AAMDC: variants seen among roughly 807,000 people sequenced by gnomAD.
AAMDC encodes adipogenesis associated Mth938 domain containing, also known as mth938 domain-containing protein.
A neutral mutation model predicts 15.5 loss-of-function variants in AAMDC; 16 were observed. The observed-to-expected ratio is 1.03, with a 90% CI of 0.70 to 1.57. The LOEUF (loss-of-function observed/expected upper bound fraction) is 1.57. AAMDC is among the 40% of genes most tolerant of loss of function. AAMDC has a pLI of 0.00. For missense variants in AAMDC, 141 were observed against 144.9 expected (o/e 0.97, Z 0.14); for synonymous variants, 51 against 51.6 (o/e 0.99, Z 0.05).
intron 5 of AAMDC, among the ~76,000 whole-genome samples, chr11:77,898,410 T>C (rs1007766464): frequency 2.0e-5 from 3 of 152,018 alleles, no homozygotes; most frequent in Admixed American, 6.6e-5. Flanking sequence ...GATCCACCTG[T>C]CTTGGACTCC....
intron 1 of AAMDC, among the ~76,000 whole-genome samples, chr11:77,826,981 C>T (rs1007194153): frequency 9.9e-5 from 15 of 151,896 alleles, no homozygotes; most frequent in Non-Finnish European, 1.5e-4. Flanking sequence ...GGCACACACC[C>T]GTCGTCCCTG....
At chr11:77,857,816 C>T (rs1447033266) in intron 2 of AAMDC, among the ~76,000 whole-genome samples, 1 of 151,670 alleles carries the variant, frequency 6.6e-6, no homozygotes, top group Non-Finnish European at 1.5e-5. Context: ...CCTGCCTCAG[C>T]CTCCCAAGTA....
At chr11:77,839,971 G>A (rs760167695) in intron 1 of AAMDC, among the ~76,000 whole-genome samples, 4 of 152,044 alleles carry the variant, frequency 2.6e-5, no homozygotes, top group East Asian at 1.9e-4. Context: ...ATCCTGGAAC[G>A]TAAAAAAGAT....
intron 2 of AAMDC, among the ~76,000 whole-genome samples, chr11:77,847,092 T>C (rs1950179103): frequency 6.6e-6 from 1 of 152,206 alleles, no homozygotes; most frequent in Non-Finnish European, 1.5e-5. Flanking sequence ...GAGCCATGAC[T>C]GAGCAGAAAT....
intron 2 of AAMDC, among the ~76,000 whole-genome samples, chr11:77,844,951 A>G (rs1050593400): frequency 6.6e-6 from 1 of 152,084 alleles, no homozygotes; most frequent in African/African-American, 2.4e-5. Flanking sequence ...TTTTGGCTTC[A>G]TTGGTTTCTA....
chr11:77,884,787 C>T lies in AAMDC; in HGVS notation c.328+7738C>T, dbSNP rs137887380. ...TTTTTTTCTTTAAAACAGGGTCTTA[C>T]TCTGCCACCCAGGCTGGAGTGCAGT... On this transcript the variant is annotated intron_variant, in intron 5 of 5. Coordinates refer to the AAMDC transcript ENST00000304716. The T allele has an allele frequency of 3.8e-4, 156 of 407,164 alleles. 1 individual carries two copies. Among genetic ancestry groups the T allele is most frequent in the African/African-American group, 2.8e-3 (140 of 49,286 alleles). The allele number at this position is 407,164 out of a possible 1,614,324, so 25.2% of individuals were successfully genotyped here.
rs185403552 is a variant in AAMDC at position 77,839,551 on chromosome 11, G to A, written c.-18-2928G>A. Among the ~76,000 whole-genome samples, 585 of 152,236 alleles carry A rather than the reference G, an allele frequency of 3.8e-3. 3 individuals carry two copies. The highest frequency in any genetic ancestry group is 0.013 in the African/African-American group (555 of 41,532). On this transcript the variant is annotated intron_variant, in intron 1 of 3. Coordinates refer to ENST00000393427, the MANE Select transcript of AAMDC (RefSeq NM_024684.4). Reference sequence around the variant, plus strand: ...TCATTGCAGCACTGTTTACAATAGCGAAGACATGGAATCAACCCATATGCC... The same window carrying A: ...TCATTGCAGCACTGTTTACAATAGCAAAGACATGGAATCAACCCATATGCC...
At chr11:77,897,871 T>C (rs1157434034) in intron 5 of AAMDC, among the ~76,000 whole-genome samples, 1 of 152,132 alleles carries the variant, frequency 6.6e-6, no homozygotes, top group Non-Finnish European at 1.5e-5. Context: ...TGCAATAGCA[T>C]GATCATAGCT....
At chr11:77,834,336 T>C (rs1949581717) in intron 1 of AAMDC, among the ~76,000 whole-genome samples, 1 of 151,834 alleles carries the variant, frequency 6.6e-6, no homozygotes. Flanking sequence ...AAACACATAA[T>C]GAAGATCAGA....
chr11:77,838,615 CTTT>C (rs34851335), intron 1 of AAMDC, among the ~76,000 whole-genome samples: 3 of 129,322 alleles, frequency 2.3e-5, no homozygotes, highest in Admixed American at 8.2e-5. Flanking sequence ...ATACAAGTAC[CTTT>C]TTTTTTTTTT....
At chr11:77,845,576 G>A (rs1950111325) in intron 2 of AAMDC, among the ~76,000 whole-genome samples, 1 of 151,864 alleles carries the variant, frequency 6.6e-6, no homozygotes, top group Admixed American at 6.6e-5. Context: ...GATTACAGGT[G>A]CACCCCACCA....
chr11:77,826,639 C>G (rs1346389797), intron 1 of AAMDC, among the ~76,000 whole-genome samples: 5 of 152,176 alleles, frequency 3.3e-5, no homozygotes, highest in African/African-American at 9.7e-5. Context: ...GCCAGTCTGT[C>G]TCCAACAACA....
intron 5 of AAMDC, among the ~76,000 whole-genome samples, chr11:77,893,323 G>T (rs1264595134): frequency 6.6e-6 from 1 of 152,198 alleles, no homozygotes; most frequent in Non-Finnish European, 1.5e-5. Context: ...AGAACAGTGT[G>T]GGCCTGGTGC....
downstream of AAMDC, among the ~76,000 whole-genome samples, chr11:77,901,110 A>T (rs551512173): frequency 2.6e-5 from 4 of 152,326 alleles, no homozygotes; most frequent in East Asian, 7.7e-4. Context: ...CTAAATTCTT[A>T]AGGAAATCTA....
chr11:77,834,545 G>C (rs1411758391), intron 1 of AAMDC, among the ~76,000 whole-genome samples: 1 of 148,130 alleles, frequency 6.8e-6, no homozygotes, highest in Non-Finnish European at 1.5e-5. Flanking sequence ...CTCCTGAGTA[G>C]CTGGAATTAC....
At position 77,842,635 on chromosome 11, in the gene AAMDC, T is replaced by G. The variant is rs771024168; in HGVS notation, c.132+7T>G. On this transcript the variant is annotated splice_region_variant and intron_variant, in intron 2 of 3. Transcript: ENST00000393427. ...GAGAGAAACAGGAACTGAGGTAAGATATTAGTCTTTGGTTGATACTACATG... is the reference window on the plus strand; with the variant it reads ...GAGAGAAACAGGAACTGAGGTAAGAGATTAGTCTTTGGTTGATACTACATG... The G allele has an allele frequency of 1.2e-6, 2 of 1,613,532 alleles. No homozygotes were observed. Among genetic ancestry groups the G allele is most frequent in the Non-Finnish European group, 1.7e-6 (2 of 1,179,842 alleles).
downstream of AAMDC, among the ~76,000 whole-genome samples, chr11:77,874,449 C>A (rs1375462598): frequency 6.8e-6 from 1 of 147,982 alleles, no homozygotes; most frequent in African/African-American, 2.5e-5. Context: ...TGTAATCATT[C>A]TTCCTAAGTG....
chr11:77,842,750 A>T lies in AAMDC; in HGVS notation c.132+122A>T, dbSNP rs2136139532. ...TGTCTTTTTGAGATATAATTCATAT[A>T]CCATTAAATTCACCCTTTTAAAGTA... On this transcript the variant is annotated intron_variant, in intron 2 of 3. Transcript: ENST00000393427. 2.2e-6 allele frequency: 3 copies of T among 1,350,232 alleles called. No individual in the cohort carries two copies. In the South Asian group the frequency reaches 4.1e-5, roughly 18 times the overall value. 83.6% of individuals were successfully genotyped at this position (1,350,232 alleles called of 1,614,324 possible).
chr11:77,887,415 C>T (rs1400813861), intron 5 of AAMDC, among the ~76,000 whole-genome samples: 8 of 152,134 alleles, frequency 5.3e-5, no homozygotes, highest in Admixed American at 6.5e-5. Context: ...ATTGATGAGA[C>T]GTATCTCAAA....
Sources: allele counts gnomAD v4.1 joint callset (sites outside exome capture counted in the v4.1 genomes callset), GRCh38; gene constraint gnomAD v4.1.1; transcripts MANE v1.5; gene names NCBI Gene and HGNC (gene_info 2026-07-23, HGNC 2026-07-21).